ADAM12: variants seen among roughly 807,000 people sequenced by gnomAD.
The protein encoded by ADAM12 is disintegrin and metalloproteinase domain-containing protein 12.
In ADAM12, 70 loss-of-function variants were observed where a neutral mutation model predicts 106.4. The observed-to-expected ratio is 0.66, with a 90% CI of 0.54 to 0.80. The LOEUF is 0.80. Ranked by LOEUF, ADAM12 falls within the 30% of genes least tolerant of loss-of-function variation. ADAM12 has a pLI of 0.00. For synonymous variants in ADAM12, 420 were observed against 433.5 expected (o/e 0.97, Z 0.39); for missense variants, 1,010 against 1,171.9 (o/e 0.86, Z 2.02).
At chr10:126,291,005 C>T (rs1960125781) in intron 2 of ADAM12, among the ~76,000 whole-genome samples, 1 of 152,190 alleles carries the variant, frequency 6.6e-6, no homozygotes, top group Non-Finnish European at 1.5e-5. Context: ...ATTATAAAAG[C>T]ACAGAGCATT....
At chr10:126,050,165 A>G (rs1193717077) in intron 14 of ADAM12, among the ~76,000 whole-genome samples, 5 of 152,236 alleles carry the variant, frequency 3.3e-5, no homozygotes, top group South Asian at 2.1e-4. Flanking sequence ...AAAGCTCCCT[A>G]TAAGAGAAAG....
chr10:126,037,496 T>C (rs555143080), intron 20 of ADAM12, among the ~76,000 whole-genome samples: 1 of 152,328 alleles, frequency 6.6e-6, no homozygotes, highest in African/African-American at 2.4e-5. Flanking sequence ...GCCTACTGCA[T>C]ATGCAGCAAT....
chr10:126,028,507 C>T (rs528884700), intron 21 of ADAM12, among the ~76,000 whole-genome samples: 32 of 152,116 alleles, frequency 2.1e-4, no homozygotes, highest in South Asian at 1.0e-3. Flanking sequence ...TAAGACTGCA[C>T]GCCTACAACC....
intron 5 of ADAM12, among the ~76,000 whole-genome samples, chr10:126,127,964 G>A (rs1051729241): frequency 3.9e-5 from 6 of 152,114 alleles, no homozygotes; most frequent in African/African-American, 1.4e-4. Flanking sequence ...GCGGGAATAG[G>A]GTGGTTTCCT....
chr10:126,210,625 A>T (rs1475549086), intron 3 of ADAM12, among the ~76,000 whole-genome samples: 1 of 152,190 alleles, frequency 6.6e-6, no homozygotes, highest in Non-Finnish European at 1.5e-5. Flanking sequence ...GGAGGAGATG[A>T]ACATGGATAT....
chr10:126,335,621 T>A (rs951869127), intron 1 of ADAM12, among the ~76,000 whole-genome samples: 6 of 152,220 alleles, frequency 3.9e-5, no homozygotes, highest in Non-Finnish European at 1.5e-5. Context: ...AATGATGTAG[T>A]TCTTTCATTT....
chr10:126,258,139 T>C (rs758600207), intron 3 of ADAM12, among the ~76,000 whole-genome samples: 3 of 152,202 alleles, frequency 2.0e-5, no homozygotes, highest in Non-Finnish European at 2.9e-5. Flanking sequence ...CTACTGACAA[T>C]ATTTAATTGG....
At chr10:126,335,935 T>C (rs1368491670) in intron 1 of ADAM12, among the ~76,000 whole-genome samples, 2 of 151,864 alleles carry the variant, frequency 1.3e-5, no homozygotes, top group African/African-American at 2.4e-5. Context: ...CTCTAAAATA[T>C]ACCAACCAGT....
intron 16 of ADAM12, among the ~76,000 whole-genome samples, chr10:126,048,859 G>C (rs1286178224): frequency 6.6e-6 from 1 of 151,986 alleles, no homozygotes; most frequent in Non-Finnish European, 1.5e-5. Flanking sequence ...TCTCTACAGG[G>C]TTCTAAAAAT....
At position 126,388,101 on chromosome 10, in the gene ADAM12, C is replaced by T. The variant is rs1856741308; in HGVS notation, c.45G>A (p.Leu15=). Residue 15 remains leucine, a synonymous_variant, in exon 1 of 23, where the codon CTG becomes CTA. Transcript: ENST00000448723. The surrounding 1 kb of genome is among the most constrained non-coding windows in gnomAD (Gnocchi z 4.4). The part of the protein sequence containing the change: ...PLPVSPARAL[L]LALAGALLAP... ...CGAGCAGAGCACCGGCCAGGGCGAG[C>T]AGGAGGGCGCGGGCGGGGGACACGG... The T allele has an allele frequency of 1.6e-6, 2 of 1,232,776 alleles. No individual in the cohort carries two copies. Among genetic ancestry groups the T allele is most frequent in the Non-Finnish European group, 2.0e-6 (2 of 987,460 alleles). The allele number at this position is 1,232,776 out of a possible 1,614,324, so 76.4% of individuals were successfully genotyped here.
chr10:126,386,615 GC>G (rs1008567246), intron 1 of ADAM12, among the ~76,000 whole-genome samples: 5 of 151,788 alleles, frequency 3.3e-5, no homozygotes, highest in African/African-American at 1.2e-4. Flanking sequence ...GTCCTCCCCC[GC>G]CCACACACAC....
chr10:126,340,855 T>G (rs749730680), intron 1 of ADAM12, among the ~76,000 whole-genome samples: 1 of 152,046 alleles, frequency 6.6e-6, no homozygotes, highest in Non-Finnish European at 1.5e-5. Context: ...TAGCTGGGTT[T>G]ATAGGTGCCC....
At chr10:126,028,558 G>C (rs1479289269) in intron 21 of ADAM12, among the ~76,000 whole-genome samples, 2 of 152,108 alleles carry the variant, frequency 1.3e-5, no homozygotes, top group Non-Finnish European at 2.9e-5. Flanking sequence ...AATGGGGAAA[G>C]GATTCCCTAT....
intron 3 of ADAM12, among the ~76,000 whole-genome samples, chr10:126,269,595 T>C (rs182691017): frequency 3.0e-3 from 462 of 152,190 alleles, no homozygotes; most frequent in Middle Eastern, 0.017. Context: ...GCCACTAAGA[T>C]GGCATCAGCC....
intron 3 of ADAM12, among the ~76,000 whole-genome samples, chr10:126,210,400 C>T (rs1369113461): frequency 1.3e-5 from 2 of 152,204 alleles, no homozygotes; most frequent in East Asian, 1.9e-4. Context: ...ACATCAGCCC[C>T]GTGTGAGTCA....
intron 11 of ADAM12, among the ~76,000 whole-genome samples, chr10:126,082,991 G>T (rs749298447): frequency 2.0e-5 from 3 of 152,234 alleles, no homozygotes; most frequent in Non-Finnish European, 4.4e-5. Flanking sequence ...GAATTTATGT[G>T]CAACCAAGTA....
chr10:126,377,750 G>A (rs888952033), intron 1 of ADAM12, among the ~76,000 whole-genome samples: 15 of 152,292 alleles, frequency 9.8e-5, no homozygotes, highest in African/African-American at 3.4e-4. Context: ...GTAGGACAAA[G>A]AACCCAGAAG....
intron 3 of ADAM12, among the ~76,000 whole-genome samples, chr10:126,187,526 A>G (rs1378749790): frequency 6.6e-6 from 1 of 152,300 alleles, no homozygotes; most frequent in African/African-American, 2.4e-5. Flanking sequence ...GTCTGGAGTC[A>G]TCATGAGGTG....
At chr10:126,193,280 A>AC (rs1161631191) in intron 3 of ADAM12, among the ~76,000 whole-genome samples, 1 of 150,790 alleles carries the variant, frequency 6.6e-6, no homozygotes. Context: ...AAAAAAAAAA[A>AC]AAAAAAAAAA....
Sources: gnomAD v4.1 joint callset for allele counts (sites outside exome capture counted in the v4.1 genomes callset) on GRCh38, gnomAD v4.1.1 for gene constraint, Gnocchi (gnomAD v3.1) non-coding constraint, MANE v1.5 for transcripts, NCBI Gene and HGNC (gene_info 2026-07-23, HGNC 2026-07-21) for gene names.